Variants in CD37 observed in about 807,000 individuals in gnomAD.
CD37 encodes CD37 molecule.
Under a neutral mutation model 38.9 loss-of-function variants are expected in CD37, and 37 were observed. That is an observed-to-expected ratio of 0.95 (90% confidence interval 0.73 to 1.25). The LOEUF is 1.25. Ranked by LOEUF, CD37 falls within the 50% of genes most tolerant of loss-of-function variation. The probability of loss-of-function intolerance (pLI) is 0.00; values close to 1 mark genes in which losing one functional copy is unlikely to be tolerated. For missense variants in CD37, 351 were observed against 360.1 expected (o/e 0.97, Z 0.20); for synonymous variants, 146 against 150.1 (o/e 0.97, Z 0.20).
chr19:49,340,510 C>T lies in CD37; in HGVS notation c.*182C>T. On this transcript the variant is annotated 3_prime_UTR_variant, in exon 8 of 8. Coordinates refer to ENST00000323906, the MANE Select transcript of CD37 (RefSeq NM_001774.3). ...CCTCTCCCACGGGACCTGGGGCTTT[C>T]GTCCACAGCTTCCTGTCCCCATCTG... The T allele has an allele frequency of 3.1e-6, 2 of 642,238 alleles. No homozygotes were observed. The highest frequency in any genetic ancestry group is 5.7e-6 in the Non-Finnish European group (2 of 353,530). The allele number at this position is 642,238 out of a possible 1,614,324, so 39.8% of individuals were successfully genotyped here.
chr19:49,337,856 T>C lies in CD37; in HGVS notation c.343-69T>C, dbSNP rs372862035. On this transcript the variant is annotated intron_variant, in intron 4 of 7. Transcript: ENST00000323906. ...GAGATGCACAGGGCCCGCCTGAGGC[T>C]GGCACAGCCTGAGAGGGGGAGGGGT... 78 of 1,546,040 alleles carry C rather than the reference T, an allele frequency of 5.0e-5. 2 individuals are homozygous for C. In the South Asian group the frequency reaches 8.0e-4, roughly 16 times the overall value.
rs768416479 is a variant in CD37, at chr19:49,337,228, T to C, written c.342+7T>C. 4 of 1,613,334 alleles carry C rather than the reference T, an allele frequency of 2.5e-6. No homozygotes were observed. Among genetic ancestry groups the C allele is most frequent in the Non-Finnish European group, 3.4e-6 (4 of 1,179,528 alleles). ...CTCCACTCAGCGGGCCCAGGTGAGC[T>C]TCCTGCAGTGGCCACCACCCACCCC... On this transcript the variant is annotated splice_region_variant and intron_variant, in intron 4 of 7. Coordinates refer to ENST00000323906, the MANE Select transcript of CD37 (RefSeq NM_001774.3).
intron 2 of CD37, chr19:49,336,708 A>G: frequency 1.8e-6 from 1 of 566,852 alleles, no homozygotes. Context: ...GAAGAGAGAC[A>G]GAGATCCAGG....
At chr19:49,337,785 G>C (rs758072999) in intron 4 of CD37, 140 bp from the exon 5 acceptor site, 54 of 1,545,260 alleles carry the variant, frequency 3.5e-5, no homozygotes, top group Non-Finnish European at 5.2e-6. Context: ...AGACAGACCT[G>C]AAGTACACAG....
Position 49,338,937 on chromosome 19 carries a change from G to T in CD37, c.684+1G>T. On this transcript the variant is annotated splice_donor_variant, in intron 6 of 7. Transcript: ENST00000323906. LOFTEE classifies it high-confidence loss of function. This position sits in a 1 kb window ranked among gnomAD's most constrained non-coding sequence, Gnocchi z 5.0. ...TGCAGAGAGCCACATCTACCGCGAGGTGGGCAGGGGTTCGGAGCATAAACC... is the reference window on the plus strand; with the variant it reads ...TGCAGAGAGCCACATCTACCGCGAGTTGGGCAGGGGTTCGGAGCATAAACC... 6.2e-7 allele frequency: 1 copy of T among 1,610,368 alleles called. No individual in the cohort carries two copies. Among genetic ancestry groups the T allele is most frequent in the South Asian group, 1.1e-5 (1 of 91,046 alleles).
chr19:49,338,966 CG>C lies in CD37; in HGVS notation c.684+31del, dbSNP rs755683628. On this transcript the variant is annotated intron_variant, in intron 6 of 7. Transcript: ENST00000323906. The surrounding 1 kb of genome is among the most constrained non-coding windows in gnomAD (Gnocchi z 5.0). ...GCAGGGGTTCGGAGCATAAACCTGT[CG>C]AATGGGGCGGGGCCTGCGGGAGGGG... The C allele has an allele frequency of 5.8e-6, 9 of 1,548,636 alleles. No individual in the cohort carries two copies. In the East Asian group the frequency reaches 2.0e-4, roughly 35 times the overall value.
At chr19:49,336,721 C>A in intron 2 of CD37, 188 bp from the exon 3 acceptor site, 1 of 583,350 alleles carries the variant, frequency 1.7e-6, no homozygotes, top group Middle Eastern at 4.0e-4. Flanking sequence ...GATCCAGGGA[C>A]GGGAAACAGG....
intron 4 of CD37, 69 bp downstream of exon 4, chr19:49,337,290 G>A: frequency 6.8e-7 from 1 of 1,475,984 alleles, no homozygotes; most frequent in Non-Finnish European, 9.5e-7. Flanking sequence ...GTGGGAGAGG[G>A]TGGAGAGAGA....
In CD37 at chr19:49,339,257, C is replaced by A; in HGVS notation, c.685-73C>A. On this transcript the variant is annotated intron_variant, in intron 6 of 7. Coordinates refer to ENST00000323906, the MANE Select transcript of CD37 (RefSeq NM_001774.3). This position sits in a 1 kb window ranked among gnomAD's most constrained non-coding sequence, Gnocchi z 4.5. ...GATGCCTGAAGACGGTGAGGGTTGGCCTGAAAAGAACGCTGGGCCTGGGCT... is the reference window on the plus strand; with the variant it reads ...GATGCCTGAAGACGGTGAGGGTTGGACTGAAAAGAACGCTGGGCCTGGGCT... 7.3e-7 allele frequency: 1 copy of A among 1,371,240 alleles called. No individual in the cohort carries two copies. Among genetic ancestry groups the A allele is most frequent in the Non-Finnish European group, 1.0e-6 (1 of 969,252 alleles). 84.9% of individuals were successfully genotyped at this position (1,371,240 alleles called of 1,614,324 possible).
intron 4 of CD37, chr19:49,337,703 A>G (rs1305632856): frequency 1.3e-6 from 2 of 1,533,112 alleles, no homozygotes; most frequent in Admixed American, 2.0e-5. Flanking sequence ...AGAGAGAACA[A>G]GAGAAAGAAA....
rs1970980397 is a variant in CD37, at chr19:49,337,002, C to T, written c.236C>T (p.Ala79Val). ...MGIALLGCVG[A>V]LKELRCLLGL... ...ATCGCCCTCCTGGGTTGTGTGGGGG[C>T]CCTCAAGGAGCTCCGCTGCCTCCTG... The change falls in exon 3 of 8, where the codon GCC becomes GTC. Residue 79 changes from alanine (A) to valine (V), a missense_variant. By Grantham distance (64) the Ala-to-Val change is moderately conservative. Transcript: ENST00000323906. The T allele has an allele frequency of 6.2e-7, 1 of 1,613,628 alleles. No homozygotes were observed. Among genetic ancestry groups the T allele is most frequent in the Non-Finnish European group, 8.5e-7 (1 of 1,179,680 alleles).
chr19:49,337,650 G>A, intron 4 of CD37: 3 of 1,513,560 alleles, frequency 2.0e-6, no homozygotes, highest in East Asian at 2.5e-5. Context: ...CTGGACCAAG[G>A]GAGACAGGCA....
At position 49,339,291 on chromosome 19, in the gene CD37, C is replaced by A; in HGVS notation, c.685-39C>A. The A allele has an allele frequency of 6.3e-7, 1 of 1,576,252 alleles. No homozygotes were observed. The highest frequency in any genetic ancestry group is 8.7e-7 in the Non-Finnish European group (1 of 1,147,414). On this transcript the variant is annotated intron_variant, in intron 6 of 7. Coordinates refer to ENST00000323906, the MANE Select transcript of CD37 (RefSeq NM_001774.3). The surrounding 1 kb of genome is among the most constrained non-coding windows in gnomAD (Gnocchi z 4.5). ...AACGCTGGGCCTGGGCTTGAGAGTC[C>A]CAGAAAGAATCCCTTTAACTTTTCC...
rs768264764 is a variant in CD37, at chr19:49,335,531, C to T, written c.-10C>T. On this transcript the variant is annotated 5_prime_UTR_variant, in exon 1 of 8. Transcript: ENST00000323906. This position sits in a 1 kb window ranked among gnomAD's most constrained non-coding sequence, Gnocchi z 4.6. ...TGTGGTGAGTGGACCGCTTACCCCA[C>T]TAGGTGAAGATGTCAGCCCAGGAGA... The T allele has an allele frequency of 6.2e-7, 1 of 1,610,910 alleles. No homozygotes were observed.
In CD37 at chr19:49,339,404, C is replaced by A. The variant is rs1254338826; in HGVS notation, c.759C>A (p.Gly253=). The change falls in exon 7 of 8, where the codon GGC becomes GGA. Residue 253 remains glycine (G), a synonymous_variant. Coordinates refer to ENST00000323906, the MANE Select transcript of CD37 (RefSeq NM_001774.3). This position sits in a 1 kb window ranked among gnomAD's most constrained non-coding sequence, Gnocchi z 4.5. ...ISIVGICLGV[G]LLELGFMTLS... is the part of the protein sequence containing the mutation. ...TAGTGGGCATTTGCCTGGGCGTCGGCCTACTCGAGGTGATCTGGCCCCGCC... is the reference window on the plus strand; with the variant it reads ...TAGTGGGCATTTGCCTGGGCGTCGGACTACTCGAGGTGATCTGGCCCCGCC... 1 of 1,613,812 alleles carries A rather than the reference C, an allele frequency of 6.2e-7. No homozygotes were observed. The highest frequency in any genetic ancestry group is 8.5e-7 in the Non-Finnish European group (1 of 1,179,868).
Position 49,336,967 on chromosome 19 carries a change from C to T in CD37, c.201C>T (p.Phe67=), listed in dbSNP as rs758551181. 1 of 1,614,174 alleles carries T rather than the reference C, an allele frequency of 6.2e-7. No individual in the cohort carries two copies. The highest frequency in any genetic ancestry group is 1.1e-5 in the South Asian group (1 of 91,082). Residue 67 remains phenylalanine, a synonymous_variant, in exon 3 of 8, where the codon TTC becomes TTT. Transcript: ENST00000323906. ...WSKVLAISGI[F]TMGIALLGCV... ...AAGTCCTGGCCATCTCAGGAATCTT[C>T]ACCATGGGCATCGCCCTCCTGGGTT...
chr19:49,337,841 G>T, intron 4 of CD37, 84 bp from the exon 5 acceptor site: 5 of 1,598,020 alleles, frequency 3.1e-6, no homozygotes, highest in Non-Finnish European at 4.3e-6. Context: ...GAGATGCACA[G>T]GGCCCGCCTG....
Position 49,340,313 on chromosome 19 carries a change from C to G in CD37, c.831C>G (p.Leu277=), listed in dbSNP as rs1298426083. ...ACCTGGACCACGTCTACAACCGGCT[C>G]GCTCGATACCGTTAGGCCCCGCCCT... is the stretch of plus-strand genomic sequence containing the variant. ...CRNLDHVYNR[L]ARYR The change falls in exon 8 of 8, where the codon CTC becomes CTG. Residue 277 remains leucine (L), a synonymous_variant. Coordinates refer to ENST00000323906, the MANE Select transcript of CD37 (RefSeq NM_001774.3). The G allele has an allele frequency of 6.2e-7, 1 of 1,613,150 alleles. No individual in the cohort carries two copies. The highest frequency in any genetic ancestry group is 8.5e-7 in the Non-Finnish European group (1 of 1,179,326).
chr19:49,336,730 G>T, intron 2 of CD37, 179 bp from the exon 3 acceptor site: 1 of 605,702 alleles, frequency 1.7e-6, no homozygotes, highest in Non-Finnish European at 2.9e-6. Context: ...ACGGGAAACA[G>T]GCCCAGAAAG....
Sources: gnomAD v4.1 joint callset for allele counts on GRCh38, gnomAD v4.1.1 for gene constraint, Gnocchi (gnomAD v3.1) non-coding constraint, MANE v1.5 for transcripts, NCBI Gene and HGNC (gene_info 2026-07-23, HGNC 2026-07-21) for gene names.